Variants in ADSS1 observed in about 807,000 individuals in gnomAD.
ADSS1 encodes adenylosuccinate synthetase isozyme 1.
Under a neutral mutation model 59.1 loss-of-function variants are expected in ADSS1, and 57 were observed. The observed-to-expected ratio is 0.97, with a 90% confidence interval of 0.78 to 1.20. ADSS1 has a LOEUF of 1.20. Among genes scored for constraint, ADSS1 ranks in the 50% most tolerant of loss-of-function variants. The pLI is 0.00. For synonymous variants in ADSS1, 247 were observed against 249.4 expected (o/e 0.99, Z 0.09); for missense variants, 603 against 610.3 (o/e 0.99, Z 0.13).
rs528426715 is a variant in ADSS1, at chr14:104,739,135, G to A, written c.359-193G>A. On this transcript the variant is annotated intron_variant, in intron 3 of 12. Coordinates refer to ENST00000330877, the MANE Select transcript of ADSS1 (RefSeq NM_152328.5). ...GCGGCGGGGTGGAGTGAGGGTCCGGGAGTCTCAGCTGGGGAGGAGACAACG... is the reference window on the plus strand; with the variant it reads ...GCGGCGGGGTGGAGTGAGGGTCCGGAAGTCTCAGCTGGGGAGGAGACAACG... Among the ~76,000 whole-genome samples the A allele has an allele frequency of 1.3e-3, 196 of 151,860 alleles. 1 individual carries two copies. Among genetic ancestry groups the A allele is most frequent in the Admixed American group, 2.7e-3 (42 of 15,296 alleles).
Position 104,745,090 on chromosome 14 carries a change from C to T in ADSS1, c.1171+181C>T, listed in dbSNP as rs564477453. The T allele has an allele frequency of 3.1e-5, 18 of 579,864 alleles. No homozygotes were observed. In the East Asian group the frequency reaches 4.1e-4, roughly 13 times the overall value. 35.9% of individuals were successfully genotyped at this position (579,864 alleles called of 1,614,324 possible). On this transcript the variant is annotated intron_variant, in intron 11 of 12. Transcript: ENST00000330877. ...GCCTCTCACGGGTTTCTCCCCACAG[C>T]GTTCCCCAGGAGGCCTGGCTGGGCA...
intron 9 of ADSS1, among the ~76,000 whole-genome samples, chr14:104,742,223 G>A (rs1891391739): frequency 2.0e-5 from 3 of 152,250 alleles, no homozygotes; most frequent in Admixed American, 6.5e-5. Context: ...GAGCTCACAC[G>A]GGGTGCGCAC....
Position 104,739,753 on chromosome 14 carries a change from T to C in ADSS1, c.413T>C (p.Phe138Ser), listed in dbSNP as rs199615439. 1.2e-6 allele frequency: 2 copies of C among 1,613,916 alleles called. No homozygotes were observed. The highest frequency in any genetic ancestry group is 1.7e-5 in the Admixed American group (1 of 60,014). The change falls in exon 5 of 13, where the codon TTT becomes TCT. Residue 138 changes from phenylalanine to serine, a missense_variant. Physicochemically the swap from Phe to Ser is radical, Grantham distance 155 (BLOSUM62 -2). Transcript: ENST00000330877. The stretch of plus-strand genomic sequence containing the variant: ...CCTCACCTGGCCCGCCCGACAGTGT[T>C]TGATTTTCACCAGGCTGTCGACGGA... Reference protein sequence around the residue: ...LIISDRAHLVFDFHQAVDGLQ... With the variant: ...LIISDRAHLVSDFHQAVDGLQ...
chr14:104,728,299 C>G (rs1343502012), intron 1 of ADSS1, among the ~76,000 whole-genome samples: 5 of 152,144 alleles, frequency 3.3e-5, no homozygotes, highest in African/African-American at 9.7e-5. Flanking sequence ...TACCCCACCT[C>G]TGCACTGTTG....
intron 1 of ADSS1, among the ~76,000 whole-genome samples, chr14:104,729,528 C>T (rs1238263188): frequency 6.6e-5 from 8 of 120,316 alleles, no homozygotes; most frequent in Admixed American, 3.9e-4. Context: ...AGCGTGGCGT[C>T]GGCGTCGTGG....
rs753593522 is a variant in ADSS1, at chr14:104,739,772, C to T, written c.432C>T (p.Val144=). 1.5e-5 allele frequency: 24 copies of T among 1,613,786 alleles called. No individual in the cohort carries two copies. In the East Asian group the frequency reaches 3.6e-4, roughly 24 times the overall value. ...AHLVFDFHQA[V]DGLQEVQRQA... The stretch of plus-strand genomic sequence containing the variant: ...CAGTGTTTGATTTTCACCAGGCTGT[C>T]GACGGACTTCAGGAAGTGCAGCGCC... Residue 144 remains valine, a synonymous_variant, in exon 5 of 13, where the codon GTC becomes GTT. Transcript: ENST00000330877.
At chr14:104,726,491 TCTC>T (rs1478646130) in intron 1 of ADSS1, among the ~76,000 whole-genome samples, 1 of 151,984 alleles carries the variant, frequency 6.6e-6, no homozygotes, top group Admixed American at 6.5e-5. Flanking sequence ...AGTGCCCATC[TCTC>T]CTCCTAGCGG....
rs770565985 is a variant in ADSS1 at position 104,735,042 on chromosome 14, C to A, written c.215C>A (p.Thr72Lys). 4.3e-6 allele frequency: 7 copies of A among 1,613,358 alleles called. No homozygotes were observed. In the African/African-American group the frequency reaches 8.0e-5, roughly 18 times the overall value. Reference protein sequence around the residue: ...RCQGGNNAGHTVVVDGKEYDF... With the variant: ...RCQGGNNAGHKVVVDGKEYDF... ...CAGGGGGGCAACAACGCCGGCCACACGGTGGTGGTGGATGGGAAAGAGTAC... is the reference window on the plus strand; with the variant it reads ...CAGGGGGGCAACAACGCCGGCCACAAGGTGGTGGTGGATGGGAAAGAGTAC... The change falls in exon 2 of 13, where the codon ACG becomes AAG. Residue 72 changes from threonine to lysine, a missense_variant. Physicochemically the swap from Thr to Lys is moderately conservative, Grantham distance 78. Coordinates refer to ENST00000330877, the MANE Select transcript of ADSS1 (RefSeq NM_152328.5).
At chr14:104,729,097 T>C (rs1285045315) in intron 1 of ADSS1, among the ~76,000 whole-genome samples, 5 of 151,930 alleles carry the variant, frequency 3.3e-5, no homozygotes, top group East Asian at 1.9e-4. Flanking sequence ...GGGGGCTGCA[T>C]TGCAGGGGAG....
intron 1 of ADSS1, 115 bp downstream of exon 1, chr14:104,724,577 T>C: frequency 8.2e-7 from 1 of 1,220,190 alleles, no homozygotes; most frequent in Non-Finnish European, 1.0e-6. Flanking sequence ...TTGGATGCCT[T>C]CCTTCCGGGA....
intron 9 of ADSS1, 34 bp downstream of exon 9, chr14:104,742,036 G>T (rs1013327607): frequency 6.2e-7 from 1 of 1,608,386 alleles, no homozygotes; most frequent in South Asian, 1.1e-5. Flanking sequence ...CCCGTGGGAG[G>T]ACAGGGAGGC....
At chr14:104,730,042 C>T in intron 1 of ADSS1, 1 of 1,578,360 alleles carries the variant, frequency 6.3e-7, no homozygotes, top group East Asian at 2.3e-5. Context: ...TGAGTGGCCA[C>T]TCCGTGCCAG....
chr14:104,729,548 T>A (rs1167252541), intron 1 of ADSS1, among the ~76,000 whole-genome samples: 1 of 58,234 alleles, frequency 1.7e-5, no homozygotes, highest in South Asian at 6.0e-4. Context: ...GGGAGGAGCG[T>A]GGCGTCGGCG....
intron 1 of ADSS1, chr14:104,729,979 C>T: frequency 6.3e-7 from 1 of 1,596,076 alleles, no homozygotes; most frequent in Non-Finnish European, 8.5e-7. Context: ...TCAGCTCGTC[C>T]CCAGCTCACA....
intron 8 of ADSS1, 24 bp downstream of exon 8, chr14:104,741,267 C>A: frequency 1.3e-6 from 2 of 1,532,684 alleles, no homozygotes; most frequent in Admixed American, 2.1e-5. Context: ...GGTGTGCGTG[C>A]CAACGACCTT....
chr14:104,741,891 T>C lies in ADSS1; in HGVS notation c.837T>C (p.Gly279=), dbSNP rs746223893. ...CTTCATCCAACTGCACCGTGGGCGG[T>C]GTGTGCACGGGCCTGGGCATCCCCC... is the stretch of plus-strand genomic sequence containing the variant. The part of the protein sequence containing the change: ...FVTSSNCTVG[G]VCTGLGIPPQ... Residue 279 remains glycine, a synonymous_variant, in exon 9 of 13, where the codon GGT becomes GGC. Coordinates refer to ENST00000330877, the MANE Select transcript of ADSS1 (RefSeq NM_152328.5). The C allele has an allele frequency of 1.2e-6, 2 of 1,613,388 alleles. No individual in the cohort carries two copies. Among genetic ancestry groups the C allele is most frequent in the South Asian group, 2.2e-5 (2 of 91,090 alleles).
intron 4 of ADSS1, 134 bp from the exon 5 acceptor site, chr14:104,739,614 CCA>C (rs751023380): frequency 6.7e-6 from 7 of 1,043,276 alleles, no homozygotes; most frequent in South Asian, 4.5e-5. Flanking sequence ...TGGTCACACC[CCA>C]GTTTGTCCTC....
chr14:104,726,364 G>A (rs1890718180), intron 1 of ADSS1, among the ~76,000 whole-genome samples: 1 of 152,224 alleles, frequency 6.6e-6, no homozygotes, highest in South Asian at 2.1e-4. Context: ...ACCTGCGAGT[G>A]CGGGGACCGA....
At chr14:104,746,420 A>G (rs764215576) in intron 12 of ADSS1, 35 bp downstream of exon 12, 19 of 1,590,844 alleles carry the variant, frequency 1.2e-5, no homozygotes, top group Non-Finnish European at 8.6e-6. Context: ...CCCTCCCTGC[A>G]CCCTGGATGC....
Sources: allele counts gnomAD v4.1 joint callset (sites outside exome capture counted in the v4.1 genomes callset), GRCh38; gene constraint gnomAD v4.1.1; transcripts MANE v1.5; gene names NCBI Gene and HGNC (gene_info 2026-07-23, HGNC 2026-07-21).